GALNT13: variants seen among roughly 807,000 people sequenced by gnomAD.
The protein encoded by GALNT13 is UDP-GalNAc:polypeptide N-acetylgalactosaminyltransferase 13.
In GALNT13, 28 loss-of-function variants were observed where a neutral mutation model predicts 64.2. The observed-to-expected ratio is 0.44, with a 90% confidence interval of 0.32 to 0.60. The LOEUF is 0.60. Ranked by LOEUF, GALNT13 falls within the 20% of genes least tolerant of loss-of-function variation. The pLI is 0.05. For missense variants in GALNT13, 577 were observed against 669.8 expected, an observed-to-expected ratio of 0.86 and a Z score of 1.53; for synonymous variants, 214 against 224.6, an observed-to-expected ratio of 0.95 and a Z score of 0.42.
At chr2:153,745,831 T>C in the GALNT13 span, among the ~76,000 whole-genome samples, 1 of 152,220 alleles carries the variant, frequency 6.6e-6, no homozygotes, top group South Asian at 2.1e-4. Flanking sequence ...CAAGCGATTG[T>C]CCCACCTCAG....
chr2:153,629,914 C>T, the GALNT13 span, among the ~76,000 whole-genome samples: 1 of 148,138 alleles, frequency 6.8e-6, no homozygotes, highest in Admixed American at 6.7e-5. Flanking sequence ...TCATCACTGG[C>T]CATCAGAGAA....
the GALNT13 span, among the ~76,000 whole-genome samples, chr2:153,426,896 C>T: frequency 6.6e-6 from 1 of 151,822 alleles, no homozygotes; most frequent in Non-Finnish European, 1.5e-5. Context: ...ATAGCAAACA[C>T]TTTGAATAAA....
At chr2:153,433,240 C>T in the GALNT13 span, among the ~76,000 whole-genome samples, 1 of 152,164 alleles carries the variant, frequency 6.6e-6, no homozygotes, top group Non-Finnish European at 1.5e-5. Context: ...TTGCTACCCT[C>T]ATTTAAAAAA....
chr2:153,687,873 A>G, the GALNT13 span, among the ~76,000 whole-genome samples: 1 of 152,024 alleles, frequency 6.6e-6, no homozygotes, highest in African/African-American at 2.4e-5. Context: ...GCAATAAAAG[A>G]CAGTTTGTGG....
At chr2:154,150,498 G>A (rs1010513298) in intron 4 of GALNT13, among the ~76,000 whole-genome samples, 5 of 152,240 alleles carry the variant, frequency 3.3e-5, no homozygotes, top group Non-Finnish European at 7.3e-5. Flanking sequence ...AGTTTCAGAA[G>A]GAATGGTACC....
At chr2:154,335,964 A>G (rs1218014045) in intron 9 of GALNT13, among the ~76,000 whole-genome samples, 1 of 151,980 alleles carries the variant, frequency 6.6e-6, no homozygotes, top group Non-Finnish European at 1.5e-5. Context: ...CACCTTAGGT[A>G]TTTACTTGGT....
intron 3 of GALNT13, among the ~76,000 whole-genome samples, chr2:153,998,572 A>G (rs547135907): frequency 1.3e-5 from 2 of 152,134 alleles, no homozygotes. Flanking sequence ...AGATTGCAAA[A>G]ATGTTTACCC....
At chr2:153,576,417 C>T in the GALNT13 span, among the ~76,000 whole-genome samples, 1 of 152,210 alleles carries the variant, frequency 6.6e-6, no homozygotes, top group Non-Finnish European at 1.5e-5. Flanking sequence ...TTTGCAGGAA[C>T]TTAAATTCCA....
intron 3 of GALNT13, among the ~76,000 whole-genome samples, chr2:153,957,227 T>C (rs1692622327): frequency 6.6e-6 from 1 of 152,206 alleles, no homozygotes; most frequent in Non-Finnish European, 1.5e-5. Flanking sequence ...GACCATCTAC[T>C]TGGCCAAATT....
the GALNT13 span, among the ~76,000 whole-genome samples, chr2:153,299,545 G>A: frequency 8.5e-5 from 13 of 152,292 alleles, no homozygotes; most frequent in African/African-American, 3.1e-4. Flanking sequence ...AGCCTTTTTC[G>A]AAGATGCAGC....
the GALNT13 span, among the ~76,000 whole-genome samples, chr2:153,189,316 A>G: frequency 6.6e-6 from 1 of 152,154 alleles, no homozygotes; most frequent in South Asian, 2.1e-4. Context: ...ATATGAGTAC[A>G]TGCAATATTT....
the GALNT13 span, among the ~76,000 whole-genome samples, chr2:153,672,627 A>T: frequency 6.6e-6 from 1 of 152,228 alleles, no homozygotes; most frequent in African/African-American, 2.4e-5. Context: ...GCACCCTAAC[A>T]TCACAATTAA....
the GALNT13 span, among the ~76,000 whole-genome samples, chr2:153,753,313 C>A: frequency 6.6e-6 from 1 of 152,128 alleles, no homozygotes; most frequent in African/African-American, 2.4e-5. Context: ...AGATGTTCAT[C>A]TGTGGCTGGG....
chr2:153,537,534 C>T, the GALNT13 span, among the ~76,000 whole-genome samples: 1 of 152,118 alleles, frequency 6.6e-6, no homozygotes, highest in Non-Finnish European at 1.5e-5. Context: ...GAAAGTACTA[C>T]AAATTAAGGC....
the GALNT13 span, among the ~76,000 whole-genome samples, chr2:153,590,234 T>TA: frequency 6.6e-6 from 1 of 152,068 alleles, no homozygotes; most frequent in Non-Finnish European, 1.5e-5. Context: ...CTAGAAAACT[T>TA]AGAGGAAATG....
chr2:153,115,827 G>A, the GALNT13 span, among the ~76,000 whole-genome samples: 3 of 152,150 alleles, frequency 2.0e-5, no homozygotes, highest in African/African-American at 7.2e-5. Context: ...AAAGGTTACT[G>A]TCACATTTGT....
chr2:153,163,923 C>A, the GALNT13 span, among the ~76,000 whole-genome samples: 1 of 150,640 alleles, frequency 6.6e-6, no homozygotes, highest in Non-Finnish European at 1.5e-5. Flanking sequence ...GAGGCTGAGG[C>A]AGGAGAATGG....
the GALNT13 span, among the ~76,000 whole-genome samples, chr2:153,363,049 G>T: frequency 2.6e-5 from 4 of 152,120 alleles, no homozygotes; most frequent in African/African-American, 9.7e-5. Context: ...AGAACATAGT[G>T]CAATCAAATT....
At chr2:154,415,921 G>A (rs1699988279) in intron 11 of GALNT13, among the ~76,000 whole-genome samples, 1 of 152,116 alleles carries the variant, frequency 6.6e-6, no homozygotes, top group South Asian at 2.1e-4. Flanking sequence ...ATTTCACAGA[G>A]TAAATTTGCA....
Sources: allele counts gnomAD v4.1 joint callset (sites outside exome capture counted in the v4.1 genomes callset), GRCh38; gene constraint gnomAD v4.1.1; transcripts MANE v1.5; gene names NCBI Gene and HGNC (gene_info 2026-07-23, HGNC 2026-07-21).